Variants in CDH12 observed in about 807,000 individuals in gnomAD.
The protein encoded by CDH12 is cadherin 12, also known as cadherin-12.
In CDH12, 41 loss-of-function variants were observed where a neutral mutation model predicts 74.1. That is an observed-to-expected ratio of 0.55 (90% CI 0.43 to 0.72). The LOEUF is 0.72. Ranked by LOEUF, CDH12 falls within the 30% of genes least tolerant of loss-of-function variation. The pLI is 0.00. For synonymous variants in CDH12, 399 were observed against 355.0 expected, an observed-to-expected ratio of 1.12 and a Z score of -1.39; for missense variants, 945 against 977.2, an observed-to-expected ratio of 0.97 and a Z score of 0.44.
intron 5 of CDH12, among the ~76,000 whole-genome samples, chr5:22,043,383 CA>C (rs1739708784): frequency 1.3e-5 from 2 of 151,988 alleles, no homozygotes; most frequent in African/African-American, 4.8e-5. Flanking sequence ...AAGCATTTGA[CA>C]AAATTCAACA....
At position 22,648,658 on chromosome 5, in the gene CDH12, T is replaced by C. The variant is rs1268595893; in HGVS notation, c.-522-143294A>G. ...ATAGACACAGGTACAGATATATGAT[T>C]TGGATCAAACATATGTTCATTATAT... is the stretch of plus-strand genomic sequence containing the variant. On this transcript the variant is annotated intron_variant, in intron 1 of 14. Transcript: ENST00000382254. 2.0e-5 allele frequency among the ~76,000 whole-genome samples: 3 copies of C among 151,892 alleles called. No individual in the cohort carries two copies. The East Asian group carries it at 5.8e-4, about 29-fold the overall frequency.
chr5:22,680,569 C>T (rs967266691), intron 1 of CDH12, among the ~76,000 whole-genome samples: 10 of 151,988 alleles, frequency 6.6e-5, no homozygotes, highest in African/African-American at 2.4e-4. Flanking sequence ...AGAATAAAAT[C>T]GAGTTGCTTA....
chr5:22,626,670 G>A (rs1290954273), intron 1 of CDH12, among the ~76,000 whole-genome samples: 1 of 152,114 alleles, frequency 6.6e-6, no homozygotes, highest in Non-Finnish European at 1.5e-5. Flanking sequence ...AAGAACTCTG[G>A]CAACTCAAAA....
chr5:22,074,382 C>G (rs1182624551), intron 5 of CDH12, among the ~76,000 whole-genome samples: 2 of 151,970 alleles, frequency 1.3e-5, no homozygotes, highest in Non-Finnish European at 2.9e-5. Context: ...CTAGGTAATA[C>G]AATTCAGGAC....
intron 6 of CDH12, among the ~76,000 whole-genome samples, chr5:21,938,274 T>C (rs1445307994): frequency 6.6e-6 from 1 of 152,072 alleles, no homozygotes; most frequent in East Asian, 1.9e-4. Context: ...ATCTAATTAA[T>C]TTACCTAGAG....
intron 1 of CDH12, among the ~76,000 whole-genome samples, chr5:22,675,120 C>G (rs538211370): frequency 1.3e-5 from 2 of 152,048 alleles, no homozygotes; most frequent in Non-Finnish European, 2.9e-5. Context: ...ACAGAAGAGA[C>G]CTTTGAGGAA....
At chr5:22,041,661 T>G (rs1739580443) in intron 5 of CDH12, among the ~76,000 whole-genome samples, 1 of 152,144 alleles carries the variant, frequency 6.6e-6, no homozygotes, top group Admixed American at 6.5e-5. Context: ...TAAATATATA[T>G]GTAGCAAATA....
chr5:22,349,533 C>G, intron 3 of CDH12, among the ~76,000 whole-genome samples: 1 of 152,094 alleles, frequency 6.6e-6, no homozygotes, highest in East Asian at 1.9e-4. Flanking sequence ...CCCCTCTTTC[C>G]CAATTCGGAA....
At chr5:22,346,122 A>AAG (rs1207621382) in intron 3 of CDH12, among the ~76,000 whole-genome samples, 44 of 151,518 alleles carry the variant, frequency 2.9e-4, no homozygotes, top group African/African-American at 1.0e-3. Context: ...AAAAAAAAAA[A>AAG]AGGAGAATAT....
intron 9 of CDH12, among the ~76,000 whole-genome samples, chr5:21,804,651 C>T (rs1400707411): frequency 0.037 from 3,590 of 98,340 alleles, 101 homozygotes; most frequent in African/African-American, 0.086. Flanking sequence ...AAAACACACA[C>T]ACACACACAC....
intron 11 of CDH12, among the ~76,000 whole-genome samples, chr5:21,770,653 G>A (rs369141180): frequency 4.0e-5 from 6 of 151,826 alleles, no homozygotes; most frequent in Non-Finnish European, 1.5e-5. Flanking sequence ...TCGGTATTGT[G>A]ATTTCTCAAA....
At chr5:22,755,322 G>C (rs1745834465) in intron 1 of CDH12, among the ~76,000 whole-genome samples, 1 of 151,932 alleles carries the variant, frequency 6.6e-6, no homozygotes, top group Non-Finnish European at 1.5e-5. Flanking sequence ...TGTATTTGTT[G>C]TTTTTATATC....
intron 4 of CDH12, among the ~76,000 whole-genome samples, chr5:22,117,495 AT>A (rs1745225675): frequency 9.4e-5 from 7 of 74,268 alleles, no homozygotes; most frequent in African/African-American, 4.4e-4. Flanking sequence ...TATATTATAT[AT>A]ATATAATATA....
intron 2 of CDH12, among the ~76,000 whole-genome samples, chr5:22,453,140 G>A (rs550355759): frequency 6.6e-6 from 1 of 151,986 alleles, no homozygotes; most frequent in Non-Finnish European, 1.5e-5. Flanking sequence ...TGATGGGAAT[G>A]TAAATTAGTA....
chr5:22,455,808 G>C (rs2126572450), intron 2 of CDH12, among the ~76,000 whole-genome samples: 1 of 152,198 alleles, frequency 6.6e-6, no homozygotes, highest in African/African-American at 2.4e-5. Flanking sequence ...ACAGAGACAG[G>C]AAGAAAGCTA....
At chr5:22,811,775 C>T (rs114955424) in intron 1 of CDH12, among the ~76,000 whole-genome samples, 282 of 152,066 alleles carry the variant, frequency 1.9e-3, no homozygotes, top group African/African-American at 6.5e-3. Flanking sequence ...GAGAGAGAAA[C>T]GGCTAAAACT....
At chr5:21,931,871 C>A (rs1754856081) in intron 6 of CDH12, among the ~76,000 whole-genome samples, 1 of 152,076 alleles carries the variant, frequency 6.6e-6, no homozygotes, top group African/African-American at 2.4e-5. Flanking sequence ...CATTGACCAA[C>A]AAGATTGATT....
intron 1 of CDH12, among the ~76,000 whole-genome samples, chr5:22,784,838 T>C (rs1164184910): frequency 6.6e-6 from 1 of 152,208 alleles, no homozygotes; most frequent in Admixed American, 6.5e-5. Context: ...TGGCAAGTGA[T>C]AATGAGGTTT....
chr5:22,279,008 T>C (rs1217370270), intron 3 of CDH12, among the ~76,000 whole-genome samples: 1 of 152,162 alleles, frequency 6.6e-6, no homozygotes, highest in Non-Finnish European at 1.5e-5. Context: ...ATGTCTGTTA[T>C]TTAAAATAGC....
Sources: allele counts gnomAD v4.1 joint callset (sites outside exome capture counted in the v4.1 genomes callset), GRCh38; gene constraint gnomAD v4.1.1; transcripts MANE v1.5; gene names NCBI Gene and HGNC (gene_info 2026-07-23, HGNC 2026-07-21).